ANKRD62: variants seen among roughly 807,000 people sequenced by gnomAD.
ANKRD62 encodes the protein ankyrin repeat domain-containing protein 62.
ANKRD62 carries 61 observed loss-of-function variants against 98.8 expected under a neutral mutation model. The observed-to-expected ratio is 0.62, with a 90% CI of 0.50 to 0.76. The LOEUF is 0.76. Ranked by LOEUF, ANKRD62 falls within the 30% of genes least tolerant of loss-of-function variation. The pLI is 0.00. For missense variants in ANKRD62, 933 were observed against 1,082.9 expected (o/e 0.86, Z 1.94); for synonymous variants, 341 against 367.9 (o/e 0.93, Z 0.84).
the ANKRD62 span, among the ~76,000 whole-genome samples, chr18:12,145,629 A>G: frequency 6.6e-6 from 1 of 152,146 alleles, no homozygotes; most frequent in African/African-American, 2.4e-5. Flanking sequence ...TGGGGTCTTC[A>G]GCTACTCTTG....
the ANKRD62 span, among the ~76,000 whole-genome samples, chr18:12,137,504 A>G: frequency 6.6e-6 from 1 of 152,156 alleles, no homozygotes; most frequent in African/African-American, 2.4e-5. Flanking sequence ...TTGGTCTAAA[A>G]TTCTCTTTTT....
chr18:12,107,649 A>C lies in ANKRD62; in HGVS notation c.1064+182A>C, dbSNP rs148632448. Reference sequence around the variant, plus strand: ...AGATATGGTCTTTCCAATCATATTGATGTTTTATTTAAAAAGTAACTAGAC... The same window carrying C: ...AGATATGGTCTTTCCAATCATATTGCTGTTTTATTTAAAAAGTAACTAGAC... On this transcript the variant is annotated intron_variant, in intron 8 of 13. Coordinates refer to ENST00000587848, the MANE Select transcript of ANKRD62 (RefSeq NM_001277333.2). 1.6e-3 allele frequency among the ~76,000 whole-genome samples: 244 copies of C among 152,294 alleles called. 4 individuals are homozygous for C. The highest frequency in any genetic ancestry group is 0.012 in the Admixed American group (187 of 15,298).
chr18:12,102,272 A>T lies in ANKRD62; in HGVS notation c.821-886A>T. On this transcript the variant is annotated intron_variant, in intron 6 of 13. Coordinates refer to ENST00000587848, the MANE Select transcript of ANKRD62 (RefSeq NM_001277333.2). The stretch of plus-strand genomic sequence containing the variant: ...GCAAAACACTGACGACCCTCTCACT[A>T]GTCCAGTGGAGAGACGCAACCTGGG... The T allele has an allele frequency of 4.0e-6, 3 of 753,934 alleles. No homozygotes were observed. In the Admixed American group the frequency reaches 5.3e-5, roughly 13 times the overall value. 46.7% of individuals were successfully genotyped at this position (753,934 alleles called of 1,614,324 possible).
chr18:12,159,970 C>T, the ANKRD62 span, among the ~76,000 whole-genome samples: 1 of 152,112 alleles, frequency 6.6e-6, no homozygotes. Flanking sequence ...TGCACACTTA[C>T]TATAGGTACA....
At chr18:12,095,679 T>C in intron 3 of ANKRD62, 69 bp downstream of exon 3, 1 of 1,351,712 alleles carries the variant, frequency 7.4e-7, no homozygotes, top group South Asian at 1.8e-5. Context: ...ATATGATTTT[T>C]TTTAGTAAAA....
chr18:12,099,814 T>C, intron 6 of ANKRD62, 132 bp downstream of exon 6: 1 of 422,000 alleles, frequency 2.4e-6, no homozygotes, highest in South Asian at 1.0e-4. Flanking sequence ...TTTAATTACT[T>C]TCTTAGTAAT....
At chr18:12,162,798 G>A in the ANKRD62 span, among the ~76,000 whole-genome samples, 2 of 152,056 alleles carry the variant, frequency 1.3e-5, no homozygotes, top group African/African-American at 4.8e-5. Context: ...TATGTTCTTA[G>A]CACCTTTGTT....
At position 12,125,651 on chromosome 18, in the gene ANKRD62, T is replaced by C; in HGVS notation, c.1830T>C (p.Asn610=). 6.5e-7 allele frequency: 1 copy of C among 1,531,312 alleles called. No homozygotes were observed. The highest frequency in any genetic ancestry group is 8.7e-7 in the Non-Finnish European group (1 of 1,145,444). The allele number at this position is 1,531,312 out of a possible 1,614,324, so 94.9% of individuals were successfully genotyped here. ...ACCTTGAAAAGACTCTCAAGCGGAA[T>C]GAGGAAGCATTAACAAAAACAATAA... is the stretch of plus-strand genomic sequence containing the variant. ...NEDLEKTLKR[N]EEALTKTITR... The change falls in exon 13 of 14, where the codon AAT becomes AAC. Residue 610 remains asparagine, a synonymous_variant. Coordinates refer to ENST00000587848, the MANE Select transcript of ANKRD62 (RefSeq NM_001277333.2).
the ANKRD62 span, among the ~76,000 whole-genome samples, chr18:12,138,182 T>C: frequency 1.3e-5 from 2 of 152,202 alleles, no homozygotes; most frequent in Admixed American, 1.3e-4. Flanking sequence ...TGTGGGCATT[T>C]AGTGCTATAA....
At chr18:12,171,040 T>C in the ANKRD62 span, among the ~76,000 whole-genome samples, 1 of 151,794 alleles carries the variant, frequency 6.6e-6, no homozygotes, top group Non-Finnish European at 1.5e-5. Flanking sequence ...TCTCTGCACG[T>C]GAGATGAGTC....
chr18:12,164,840 A>G, the ANKRD62 span, among the ~76,000 whole-genome samples: 93,089 of 151,576 alleles, frequency 0.61, 29,001 homozygotes, highest in Middle Eastern at 0.75. Context: ...TTCTTTGTCA[A>G]TTTTCTTTCT....
intron 13 of ANKRD62, 121 bp from the exon 14 acceptor site, chr18:12,127,627 G>C: frequency 1.5e-6 from 1 of 652,150 alleles, no homozygotes; most frequent in Non-Finnish European, 2.3e-6. Context: ...ACATGAGGAG[G>C]AGAAGAAGAA....
At chr18:12,151,813 A>G in the ANKRD62 span, among the ~76,000 whole-genome samples, 1 of 152,110 alleles carries the variant, frequency 6.6e-6, no homozygotes, top group African/African-American at 2.4e-5. Flanking sequence ...AGATAGATAG[A>G]CCACTAGCTA....
chr18:12,100,562 A>G (rs1007863338), intron 6 of ANKRD62, among the ~76,000 whole-genome samples: 1 of 152,204 alleles, frequency 6.6e-6, no homozygotes, highest in African/African-American at 2.4e-5. Context: ...AAGAATTTCA[A>G]TGAGACCTTT....
rs1176143854 is a variant in ANKRD62 at position 12,125,703 on chromosome 18, C to T, written c.1882C>T (p.Leu628=). 30 of 1,540,162 alleles carry T rather than the reference C, an allele frequency of 1.9e-5. No individual in the cohort carries two copies. Among genetic ancestry groups the T allele is most frequent in the Non-Finnish European group, 2.6e-5 (30 of 1,146,870 alleles). The change falls in exon 13 of 14, where the codon CTG becomes TTG. Residue 628 remains leucine, a synonymous_variant. Transcript: ENST00000587848. ...CCGGTATAGTAAAGAGCTTAATGTT[C>T]TGATGGATGAGAATACAATGCTCAA... ...ITRYSKELNV[L]MDENTMLNSE... is the part of the protein sequence containing the mutation.
intron 6 of ANKRD62, chr18:12,101,882 C>G (rs1909307219): frequency 1.5e-6 from 1 of 674,240 alleles, no homozygotes; most frequent in Non-Finnish European, 2.7e-6. Context: ...AGAAGGCTGT[C>G]CACCAATGGA....
At chr18:12,123,028 C>A (rs948211322) in intron 11 of ANKRD62, among the ~76,000 whole-genome samples, 1 of 92,380 alleles carries the variant, frequency 1.1e-5, no homozygotes, top group Non-Finnish European at 2.6e-5. Flanking sequence ...TTAAAATTAA[C>A]CAGTTTTTTT....
chr18:12,100,464 C>T (rs752119971), intron 6 of ANKRD62, among the ~76,000 whole-genome samples: 2 of 152,098 alleles, frequency 1.3e-5, no homozygotes, highest in Non-Finnish European at 2.9e-5. Context: ...TGCAGATGAG[C>T]GGGCCCTTGC....
chr18:12,141,176 G>A, the ANKRD62 span, among the ~76,000 whole-genome samples: 1 of 152,224 alleles, frequency 6.6e-6, no homozygotes, highest in Non-Finnish European at 1.5e-5. Flanking sequence ...TAATCTCCTG[G>A]TGTGCCGTTT....
Sources: gnomAD v4.1 joint callset for allele counts (sites outside exome capture counted in the v4.1 genomes callset) on GRCh38, gnomAD v4.1.1 for gene constraint, MANE v1.5 for transcripts, NCBI Gene and HGNC (gene_info 2026-07-23, HGNC 2026-07-21) for gene names.